PDE6B: variants seen among roughly 807,000 people sequenced by gnomAD.
PDE6B encodes phosphodiesterase 6B.
A neutral mutation model predicts 109.0 loss-of-function variants in PDE6B; 106 were observed. The ratio of observed to expected loss-of-function variants is 0.97; its 90% CI spans 0.83 to 1.14. The LOEUF is 1.14. Ranked by LOEUF, PDE6B falls within the 50% of genes most tolerant of loss-of-function variation. The pLI is 0.00. For missense variants in PDE6B, 1,193 were observed against 1,155.6 expected, an observed-to-expected ratio of 1.03 and a Z score of -0.47; for synonymous variants, 490 against 471.3, an observed-to-expected ratio of 1.04 and a Z score of -0.51.
intron 12 of PDE6B, 27 bp downstream of exon 12, chr4:660,640 C>G: frequency 6.2e-7 from 1 of 1,609,946 alleles, no homozygotes; most frequent in Non-Finnish European, 8.5e-7. Flanking sequence ...GGCGCATAGT[C>G]AGGTCCCTGA....
chr4:636,501 G>A lies in PDE6B; in HGVS notation c.711+532G>A, dbSNP rs1336664771. ...GGTGCGTGGGAAAACGCAGGGGGAT[G>A]ACCTCCAGGGCAGGTGGTCCTCCCG... On this transcript the variant is annotated intron_variant, in intron 3 of 21. Transcript: ENST00000496514. This position sits in a 1 kb window ranked among gnomAD's most constrained non-coding sequence, Gnocchi z 4.5. 1.3e-5 allele frequency among the ~76,000 whole-genome samples: 2 copies of A among 152,138 alleles called. No individual in the cohort carries two copies. The highest frequency in any genetic ancestry group is 2.9e-5 in the Non-Finnish European group (2 of 68,008).
intron 3 of PDE6B, among the ~76,000 whole-genome samples, chr4:643,944 G>A (rs969940143): frequency 4.9e-5 from 7 of 141,892 alleles, no homozygotes; most frequent in Admixed American, 7.0e-5. Flanking sequence ...TTTTTTGAGG[G>A]AGTCTCGCTC....
chr4:664,059 G>A, intron 16 of PDE6B, 55 bp from the exon 17 acceptor site: 1 of 1,311,218 alleles, frequency 7.6e-7, no homozygotes, highest in Non-Finnish European at 1.1e-6. Context: ...CGGGCGCTTG[G>A]GGCGGGGTCT....
rs561411676 is a variant in PDE6B at position 665,239 on chromosome 4, C to T, written c.2194-16C>T. ...GGCTCAGAGCTCCACAGACAGCTGC[C>T]TTCCTGTGCCTCCAGGTCGCACTTC... On this transcript the variant is annotated splice_polypyrimidine_tract_variant and intron_variant, in intron 18 of 21. Transcript: ENST00000496514. This position sits in a 1 kb window ranked among gnomAD's most constrained non-coding sequence, Gnocchi z 4.0. The T allele has an allele frequency of 3.7e-5, 60 of 1,601,786 alleles. No individual in the cohort carries two copies. Among genetic ancestry groups the T allele is most frequent in the Non-Finnish European group, 4.9e-5 (57 of 1,169,684 alleles).
Position 657,464 on chromosome 4 carries a change from G to A in PDE6B, c.1371G>A (p.Lys457=). The change falls in exon 10 of 22, where the codon AAG becomes AAA. Residue 457 remains lysine, a synonymous_variant. Coordinates refer to ENST00000496514, the MANE Select transcript of PDE6B (RefSeq NM_000283.4). ...AGGACATGGTCCTTTACCACGTGAAGTGCGACAGGGACGAGATCCAGCTCA... is the reference window on the plus strand; with the variant it reads ...AGGACATGGTCCTTTACCACGTGAAATGCGACAGGGACGAGATCCAGCTCA... ...IAQDMVLYHV[K]CDRDEIQLIL... 1 of 1,613,400 alleles carries A rather than the reference G, an allele frequency of 6.2e-7. No individual in the cohort carries two copies. The highest frequency in any genetic ancestry group is 8.5e-7 in the Non-Finnish European group (1 of 1,179,926).
At chr4:650,073 C>T (rs1022412863) in intron 3 of PDE6B, among the ~76,000 whole-genome samples, 27 of 152,136 alleles carry the variant, frequency 1.8e-4, no homozygotes, top group African/African-American at 6.3e-4. Context: ...CGAACCATCC[C>T]CGGGGCCTTG....
rs894121972 is a variant in PDE6B at position 665,030 on chromosome 4, G to C, written c.2193+86G>C. 8.8e-6 allele frequency: 10 copies of C among 1,139,062 alleles called. No homozygotes were observed. In the African/African-American group the frequency reaches 1.2e-4, roughly 14 times the overall value. The allele number at this position is 1,139,062 out of a possible 1,614,324, so 70.6% of individuals were successfully genotyped here. A position where few individuals can be genotyped will look rare whatever the true frequency, so the allele number is the denominator to read the frequency against. On this transcript the variant is annotated intron_variant, in intron 18 of 21. Transcript: ENST00000496514. This position sits in a 1 kb window ranked among gnomAD's most constrained non-coding sequence, Gnocchi z 4.0. ...GCGGGCGGGAGCCTCGGATGGCAAC[G>C]GACCATTGTTTGCAAGGAGCTCTGA...
intron 21 of PDE6B, 92 bp from the exon 22 acceptor site, chr4:669,954 G>A (rs1438491025): frequency 9.8e-7 from 1 of 1,022,700 alleles, no homozygotes; most frequent in African/African-American, 1.6e-5. Context: ...TCCTCCTGCA[G>A]GGGTTGGTAG....
intron 3 of PDE6B, among the ~76,000 whole-genome samples, chr4:651,364 G>C (rs899483785): frequency 3.9e-5 from 6 of 152,278 alleles, no homozygotes; most frequent in South Asian, 2.1e-4. Context: ...GGGTCCTCAG[G>C]GGGGGCCTCC....
chr4:636,247 A>G lies in PDE6B; in HGVS notation c.711+278A>G, dbSNP rs1459159533. Among the ~76,000 whole-genome samples, 2 of 152,180 alleles carry G rather than the reference A, an allele frequency of 1.3e-5. No individual in the cohort carries two copies. Among genetic ancestry groups the G allele is most frequent in the Non-Finnish European group, 2.9e-5 (2 of 68,028 alleles). On this transcript the variant is annotated intron_variant, in intron 3 of 21. Transcript: ENST00000496514. The surrounding 1 kb of genome is among the most constrained non-coding windows in gnomAD (Gnocchi z 4.5). ...GCACCTTTCCTAGAGGCTGCCCCCA[A>G]CCTCCTTGGGAGAAGCCAGTATGAG...
At chr4:650,935 CAAG>C (rs776801808) in intron 3 of PDE6B, among the ~76,000 whole-genome samples, 71 of 152,188 alleles carry the variant, frequency 4.7e-4, no homozygotes, top group Non-Finnish European at 9.3e-4. Flanking sequence ...AAAATGAAAA[CAAG>C]GAGGACGGCA....
At chr4:650,790 C>G (rs1735469770) in intron 3 of PDE6B, among the ~76,000 whole-genome samples, 2 of 152,084 alleles carry the variant, frequency 1.3e-5, no homozygotes, top group Non-Finnish European at 2.9e-5. Context: ...TTCCGGAGGG[C>G]AGGGGGTGTT....
Position 634,775 on chromosome 4 carries a change from G to A in PDE6B, c.567G>A (p.Val189=). Residue 189 remains valine (V), a synonymous_variant, in exon 2 of 22, where the codon GTG becomes GTA. Transcript: ENST00000496514. ...PIMNGKDVVA[V]IMAVNKLNGP... ...TGAATGGCAAAGACGTCGTGGCGGT[G>A]ATCATGGCAGTGAACAAGCTCAACG... is the stretch of plus-strand genomic sequence containing the variant. 6.2e-7 allele frequency: 1 copy of A among 1,613,904 alleles called. No individual in the cohort carries two copies. The highest frequency in any genetic ancestry group is 1.3e-5 in the African/African-American group (1 of 75,026).
At chr4:635,806 C>T (rs561255665) in intron 2 of PDE6B, 74 bp from the exon 3 acceptor site, 1 of 828,194 alleles carries the variant, frequency 1.2e-6, no homozygotes, top group Non-Finnish European at 2.1e-6. Context: ...GCATGTTTCT[C>T]CTGCAAAATA....
chr4:626,006 A>C lies in PDE6B; in HGVS notation c.380A>C (p.Asp127Ala). 2 of 1,587,224 alleles carry C rather than the reference A, an allele frequency of 1.3e-6. No homozygotes were observed. The highest frequency in any genetic ancestry group is 8.6e-7 in the Non-Finnish European group (1 of 1,167,408). Residue 127 changes from aspartate (D) to alanine (A), a missense_variant, in exon 1 of 22, where the codon GAC (aspartate) becomes GCC (alanine). Coordinates refer to ENST00000496514, the MANE Select transcript of PDE6B (RefSeq NM_000283.4). The surrounding 1 kb of genome is among the most constrained non-coding windows in gnomAD (Gnocchi z 4.6). ...CTGGAGGACTGCCTGGTGCCCCCCG[A>C]CTCCGAGATCGTCTTCCCACTGGAC... ...SVLEDCLVPP[D>A]SEIVFPLDIG... is the part of the protein sequence containing the mutation.
Position 666,625 on chromosome 4 carries a change from C to T in PDE6B, c.2352+11C>T, listed in dbSNP as rs1737830141. ...ACATTCGTGTACAAGGCGAGTGGTT[C>T]ACGGGTGTTCCGAGCTGACTGGGGC... On this transcript the variant is annotated intron_variant, in intron 20 of 21. Coordinates refer to ENST00000496514, the MANE Select transcript of PDE6B (RefSeq NM_000283.4). The surrounding 1 kb of genome is among the most constrained non-coding windows in gnomAD (Gnocchi z 5.6). 6.3e-7 allele frequency: 1 copy of T among 1,589,234 alleles called. No individual in the cohort carries two copies. The highest frequency in any genetic ancestry group is 1.1e-5 in the South Asian group (1 of 90,538).
chr4:647,420 T>C (rs1735259044), intron 3 of PDE6B, among the ~76,000 whole-genome samples: 1 of 152,086 alleles, frequency 6.6e-6, no homozygotes, highest in Non-Finnish European at 1.5e-5. Flanking sequence ...CCCTTGTTTA[T>C]GGTTTGTTTT....
At chr4:657,263 C>A in intron 9 of PDE6B, 88 bp from the exon 10 acceptor site, 1 of 1,495,774 alleles carries the variant, frequency 6.7e-7, no homozygotes, top group Non-Finnish European at 9.2e-7. Flanking sequence ...CAGGACCTGC[C>A]CGCCGAGCCA....
intron 1 of PDE6B, among the ~76,000 whole-genome samples, chr4:631,073 C>T (rs965889071): frequency 2.0e-5 from 3 of 152,292 alleles, no homozygotes; most frequent in South Asian, 2.1e-4. Context: ...GGCAGACGAA[C>T]GGGCTGAGAG....
Sources: allele counts gnomAD v4.1 joint callset (sites outside exome capture counted in the v4.1 genomes callset), GRCh38; gene constraint gnomAD v4.1.1; non-coding constraint Gnocchi (gnomAD v3.1); transcripts MANE v1.5; gene names NCBI Gene and HGNC (gene_info 2026-07-23, HGNC 2026-07-21).